The following LCMT1 variants were observed in gnomAD, a reference collection of about 807,000 sequenced individuals.
The protein encoded by LCMT1 is [Phosphatase 2A protein]-leucine-carboxy methyltransferase 1.
In LCMT1, 32 loss-of-function variants were observed where a neutral mutation model predicts 47.7. The ratio of observed to expected loss-of-function variants is 0.67; its 90% confidence interval spans 0.51 to 0.90. The LOEUF is 0.90. LCMT1 is among the 40% of genes least tolerant of loss of function. LCMT1 has a pLI of 0.00. For synonymous variants in LCMT1, 152 were observed against 149.7 expected, an observed-to-expected ratio of 1.02 and a Z score of -0.11; for missense variants, 375 against 415.2, an observed-to-expected ratio of 0.90 and a Z score of 0.84.
chr16:25,113,223 G>A (rs926998952), intron 1 of LCMT1, among the ~76,000 whole-genome samples: 1 of 151,748 alleles, frequency 6.6e-6, no homozygotes, highest in Non-Finnish European at 1.5e-5. Context: ...AGTGTGAACT[G>A]TTAGAGGAAC....
chr16:25,122,615 C>T (rs1184670805), intron 1 of LCMT1, among the ~76,000 whole-genome samples: 2 of 151,146 alleles, frequency 1.3e-5, no homozygotes, highest in African/African-American at 4.9e-5. Context: ...AGGTGCGAGC[C>T]ACTGCTTCCA....
chr16:25,132,504 C>T lies in LCMT1; in HGVS notation c.308C>T (p.Thr103Ile). ...QIVNLGAGMD[T>I]TFWRLKDEDL... ...GTCAACCTTGGGGCAGGCATGGATA[C>T]CACCTTCTGGAGATTAAAGGTATGT... Residue 103 changes from threonine to isoleucine, a missense_variant, in exon 3 of 11, where the codon ACC becomes ATC. Transcript: ENST00000399069. The T allele has an allele frequency of 6.2e-7, 1 of 1,613,784 alleles. No homozygotes were observed. Among genetic ancestry groups the T allele is most frequent in the South Asian group, 1.1e-5 (1 of 91,052 alleles).
At chr16:25,160,810 T>C (rs748798013) in intron 5 of LCMT1, 4 of 577,462 alleles carry the variant, frequency 6.9e-6, no homozygotes, top group Non-Finnish European at 1.3e-5. Flanking sequence ...CATTTTCTTT[T>C]CTCTATTCAG....
chr16:25,133,385 G>GTTT (rs1177872054), intron 3 of LCMT1, among the ~76,000 whole-genome samples: 734 of 52,628 alleles, frequency 0.014, 185 homozygotes, highest in East Asian at 0.046. Context: ...CTGGGCTTAG[G>GTTT]TTTTTTTTTT....
At chr16:25,166,294 G>A (rs960294771) in intron 7 of LCMT1, among the ~76,000 whole-genome samples, 34 of 149,700 alleles carry the variant, frequency 2.3e-4, no homozygotes, top group South Asian at 6.4e-4. Flanking sequence ...AAGAAAGAAA[G>A]AAATACCCAC....
At chr16:25,156,236 CCTTGATATATT>C (rs1385320044) in intron 5 of LCMT1, among the ~76,000 whole-genome samples, 1 of 152,146 alleles carries the variant, frequency 6.6e-6, no homozygotes, top group Admixed American at 6.5e-5. Context: ...ACTGACTGCT[CCTTGATATATT>C]CTTGATTACT....
chr16:25,149,190 T>C (rs1960989104), intron 4 of LCMT1, among the ~76,000 whole-genome samples: 1 of 152,222 alleles, frequency 6.6e-6, no homozygotes, highest in Non-Finnish European at 1.5e-5. Context: ...CTGCTTTGAA[T>C]GTGGCCCAAC....
At chr16:25,155,676 CTT>C (rs35255738) in intron 5 of LCMT1, among the ~76,000 whole-genome samples, 41 of 140,394 alleles carry the variant, frequency 2.9e-4, no homozygotes, top group Non-Finnish European at 2.6e-4. Flanking sequence ...TTCTTTCTTT[CTT>C]TTTTTTTTTT....
At chr16:25,141,341 A>G (rs1261710775) in intron 4 of LCMT1, 3 of 152,012 alleles carry the variant, frequency 2.0e-5, no homozygotes, top group African/African-American at 7.2e-5. Context: ...CTCTTGGTGA[A>G]TCTTTACTTT....
At chr16:25,123,327 C>T (rs1009445051) in intron 1 of LCMT1, among the ~76,000 whole-genome samples, 5 of 148,578 alleles carry the variant, frequency 3.4e-5, no homozygotes, top group African/African-American at 1.2e-4. Flanking sequence ...CGGGTTCAAG[C>T]TATTATCCTG....
intron 1 of LCMT1, among the ~76,000 whole-genome samples, chr16:25,127,032 T>TA (rs200390581): frequency 0.02 from 3,116 of 152,236 alleles, 47 homozygotes; most frequent in Non-Finnish European, 0.029. Context: ...ACAGAGGAAA[T>TA]ACATTTTTCA....
intron 4 of LCMT1, among the ~76,000 whole-genome samples, chr16:25,150,399 C>T (rs185731): frequency 0.69 from 97,540 of 140,860 alleles, 33,428 homozygotes; most frequent in Middle Eastern, 0.78. Flanking sequence ...GGCTGGAGTG[C>T]AATGGCACGA....
intron 1 of LCMT1, among the ~76,000 whole-genome samples, chr16:25,127,075 A>C (rs1379883069): frequency 6.6e-6 from 1 of 152,212 alleles, no homozygotes; most frequent in African/African-American, 2.4e-5. Flanking sequence ...CACTTGAAAC[A>C]AAAGTAGGCT....
intron 10 of LCMT1, 106 bp from the exon 11 acceptor site, chr16:25,177,895 C>A: frequency 1.1e-6 from 1 of 912,496 alleles, no homozygotes; most frequent in South Asian, 1.3e-5. Flanking sequence ...CTACAGTGGT[C>A]AGCAGTGTGG....
chr16:25,111,773 G>T lies in LCMT1; in HGVS notation c.-111G>T. 1 of 723,144 alleles carries T rather than the reference G, an allele frequency of 1.4e-6. No individual in the cohort carries two copies. The highest frequency in any genetic ancestry group is 2.4e-6 in the Non-Finnish European group (1 of 413,216). 44.8% of individuals were successfully genotyped at this position (723,144 alleles called of 1,614,324 possible). A position where few individuals can be genotyped will look rare whatever the true frequency, so the allele number is the denominator to read the frequency against. ...GAGCCGCGCCAGCTGAGCCAGGTAG[G>T]GCCCTACCCTCTTCTGTTGCTTTCT... On this transcript the variant is annotated 5_prime_UTR_variant, in exon 1 of 11. Coordinates refer to ENST00000399069, the MANE Select transcript of LCMT1 (RefSeq NM_016309.3).
At chr16:25,161,992 G>A (rs1163813606) in intron 6 of LCMT1, among the ~76,000 whole-genome samples, 3 of 152,140 alleles carry the variant, frequency 2.0e-5, no homozygotes, top group Admixed American at 1.3e-4. Context: ...GTGTTGACAA[G>A]GATGTGGGGG....
At chr16:25,126,636 T>C (rs1433216686) in intron 1 of LCMT1, among the ~76,000 whole-genome samples, 1 of 152,212 alleles carries the variant, frequency 6.6e-6, no homozygotes, top group Non-Finnish European at 1.5e-5. Context: ...TTGGCTACAC[T>C]AGTCGTATTG....
Position 25,111,804 on chromosome 16 carries a change from T to C in LCMT1, c.-80T>C. The C allele has an allele frequency of 1.1e-6, 1 of 939,748 alleles. No homozygotes were observed. The allele number at this position is 939,748 out of a possible 1,614,324, so 58.2% of individuals were successfully genotyped here. The stretch of plus-strand genomic sequence containing the variant: ...ACCCTCTTCTGTTGCTTTCTCCCTG[T>C]GGCTCGCGCCGTCCCCCGCCGCCCG... On this transcript the variant is annotated 5_prime_UTR_variant, in exon 1 of 11. Transcript: ENST00000399069.
intron 5 of LCMT1, among the ~76,000 whole-genome samples, chr16:25,152,996 C>T (rs764080023): frequency 6.6e-6 from 1 of 152,094 alleles, no homozygotes; most frequent in Non-Finnish European, 1.5e-5. Context: ...GAGAGGACAG[C>T]CTTCACCAGT....
Sources: gnomAD v4.1 joint callset for allele counts (sites outside exome capture counted in the v4.1 genomes callset) on GRCh38, gnomAD v4.1.1 for gene constraint, MANE v1.5 for transcripts, NCBI Gene and HGNC (gene_info 2026-07-23, HGNC 2026-07-21) for gene names.